The following HHAT variants were observed in gnomAD, a reference collection of about 807,000 sequenced individuals.
HHAT encodes the protein protein-cysteine N-palmitoyltransferase HHAT.
Under a neutral mutation model 70.8 loss-of-function variants are expected in HHAT, and 47 were observed. The observed-to-expected ratio is 0.66, with a 90% confidence interval of 0.53 to 0.85. HHAT has a LOEUF of 0.85. Ranked by LOEUF, HHAT falls within the 40% of genes least tolerant of loss-of-function variation. The pLI is 0.00. For synonymous variants in HHAT, 228 were observed against 247.6 expected (o/e 0.92, Z 0.74); for missense variants, 609 against 604.8 (o/e 1.01, Z -0.07).
intron 8 of HHAT, among the ~76,000 whole-genome samples, chr1:210,512,152 A>G (rs553689211): frequency 2.5e-4 from 38 of 152,236 alleles, no homozygotes; most frequent in Non-Finnish European, 5.3e-4. Context: ...CCTCAAGCAC[A>G]AAGTCAGGCT....
In HHAT at chr1:210,638,722, CAAAAAA is replaced by C. The variant is rs71146238; in HGVS notation, c.1390+15071_1390+15076del. ...GCAACATAGAGAGACCCTGTATTTA[CAAAAAA>C]AAAAAAAAAAAAAAAAAATTCTTTT... On this transcript the variant is annotated intron_variant, in intron 11 of 11. Transcript: ENST00000261458. Among the ~76,000 whole-genome samples the C allele has an allele frequency of 1.5e-3, 143 of 95,274 alleles. 2 individuals carry two copies. Among genetic ancestry groups the C allele is most frequent in the African/African-American group, 5.2e-3 (125 of 23,954 alleles). 62.5% of individuals were successfully genotyped at this position (95,274 alleles called of 152,430 possible).
At chr1:210,669,009 G>C (rs754570134) in intron 11 of HHAT, among the ~76,000 whole-genome samples, 1 of 152,210 alleles carries the variant, frequency 6.6e-6, no homozygotes, top group Admixed American at 6.5e-5. Context: ...GCCTGACCTC[G>C]TGATCCACCC....
chr1:210,627,617 A>C (rs78351133), intron 11 of HHAT, among the ~76,000 whole-genome samples: 4,527 of 152,238 alleles, frequency 0.03, 129 homozygotes, highest in East Asian at 0.067. Flanking sequence ...TGGCAAACCT[A>C]GGGCTCTGGT....
At chr1:210,672,442 C>T (rs1043681552) in intron 11 of HHAT, among the ~76,000 whole-genome samples, 3 of 152,220 alleles carry the variant, frequency 2.0e-5, no homozygotes, top group African/African-American at 7.2e-5. Flanking sequence ...AGTAGCTGGG[C>T]CCTGTCCCTT....
At chr1:210,464,929 A>G (rs990643453) in intron 8 of HHAT, among the ~76,000 whole-genome samples, 4 of 152,134 alleles carry the variant, frequency 2.6e-5, no homozygotes, top group African/African-American at 9.7e-5. Context: ...GTGGTTTCTT[A>G]CTAACCTGGG....
At chr1:210,630,483 T>C (rs1176051123) in intron 11 of HHAT, among the ~76,000 whole-genome samples, 2 of 152,152 alleles carry the variant, frequency 1.3e-5, no homozygotes, top group Non-Finnish European at 2.9e-5. Flanking sequence ...TCAAAAGAAA[T>C]AATAATTAAA....
At chr1:210,400,405 GTTTA>G in intron 4 of HHAT, 59 bp from the exon 5 acceptor site, 1 of 1,452,242 alleles carries the variant, frequency 6.9e-7, no homozygotes, top group Non-Finnish European at 9.3e-7. Context: ...GCTCACTTCT[GTTTA>G]TTTTCCTCCC....
intron 9 of HHAT, among the ~76,000 whole-genome samples, chr1:210,557,569 GT>G (rs1227851238): frequency 1.3e-5 from 2 of 152,222 alleles, no homozygotes; most frequent in Non-Finnish European, 2.9e-5. Flanking sequence ...TGGACTTACA[GT>G]TCCACATGGT....
intron 7 of HHAT, among the ~76,000 whole-genome samples, chr1:210,425,731 T>C (rs1175051496): frequency 6.6e-6 from 1 of 152,164 alleles, no homozygotes; most frequent in Non-Finnish European, 1.5e-5. Context: ...TCATGCTGTT[T>C]TGGTTACTAT....
intron 11 of HHAT, among the ~76,000 whole-genome samples, chr1:210,665,413 A>C (rs759644461): frequency 6.6e-5 from 10 of 152,128 alleles, no homozygotes; most frequent in Non-Finnish European, 1.2e-4. Flanking sequence ...CACTGGGGGG[A>C]CATTACTCTA....
At chr1:210,501,710 G>A (rs545196936) in intron 8 of HHAT, among the ~76,000 whole-genome samples, 14 of 152,262 alleles carry the variant, frequency 9.2e-5, no homozygotes, top group African/African-American at 3.1e-4. Context: ...CTCATTGGGA[G>A]AACTGAATCA....
intron 7 of HHAT, among the ~76,000 whole-genome samples, chr1:210,427,609 G>C (rs2093104643): frequency 6.6e-6 from 1 of 152,082 alleles, no homozygotes; most frequent in South Asian, 2.1e-4. Flanking sequence ...GTAATTATAT[G>C]GTTTTGAGTG....
intron 6 of HHAT, among the ~76,000 whole-genome samples, chr1:210,411,921 A>G (rs547508896): frequency 1.3e-5 from 2 of 152,206 alleles, no homozygotes; most frequent in African/African-American, 2.4e-5. Flanking sequence ...TCAGACGGCT[A>G]TAACAAAATA....
At chr1:210,351,442 A>G (rs2087013460) in intron 2 of HHAT, among the ~76,000 whole-genome samples, 1 of 152,160 alleles carries the variant, frequency 6.6e-6, no homozygotes, top group Non-Finnish European at 1.5e-5. Context: ...TAACCAACAC[A>G]ATGGATGTTG....
intron 11 of HHAT, among the ~76,000 whole-genome samples, chr1:210,633,401 A>T (rs2148895204): frequency 6.6e-6 from 1 of 152,332 alleles, no homozygotes; most frequent in South Asian, 2.1e-4. Flanking sequence ...ATCCAGAGGC[A>T]CAGTGAGGGC....
intron 9 of HHAT, among the ~76,000 whole-genome samples, chr1:210,553,716 C>T (rs1279945850): frequency 2.0e-5 from 3 of 152,134 alleles, no homozygotes; most frequent in African/African-American, 7.2e-5. Context: ...TATCCGTGGA[C>T]CTCAGCCTCT....
At chr1:210,353,902 G>GT (rs1374100040) in intron 2 of HHAT, among the ~76,000 whole-genome samples, 1 of 152,034 alleles carries the variant, frequency 6.6e-6, no homozygotes, top group African/African-American at 2.4e-5. Flanking sequence ...ATTGTCATGA[G>GT]TTGAATGCTT....
intron 9 of HHAT, among the ~76,000 whole-genome samples, chr1:210,514,264 C>T (rs1314752499): frequency 6.6e-6 from 1 of 152,182 alleles, no homozygotes; most frequent in East Asian, 1.9e-4. Context: ...TCGGCCTCCC[C>T]CATACTCAAG....
At chr1:210,371,798 G>A (rs909639353) in intron 3 of HHAT, among the ~76,000 whole-genome samples, 1 of 152,150 alleles carries the variant, frequency 6.6e-6, no homozygotes. Context: ...AGAGATCAAT[G>A]TTCCTTTATA....
Sources: gnomAD v4.1 joint callset for allele counts (sites outside exome capture counted in the v4.1 genomes callset) on GRCh38, gnomAD v4.1.1 for gene constraint, MANE v1.5 for transcripts, NCBI Gene and HGNC (gene_info 2026-07-23, HGNC 2026-07-21) for gene names.